The following ULK4 variants were observed in gnomAD, a reference collection of about 807,000 sequenced individuals.
The protein encoded by ULK4 is inactive serine/threonine-protein kinase ULK4.
In ULK4, 133 loss-of-function variants were observed where a neutral mutation model predicts 160.6. The observed-to-expected ratio is 0.83, with a 90% CI of 0.72 to 0.96. The LOEUF (loss-of-function observed/expected upper bound fraction) is 0.96. Among genes scored for constraint, ULK4 ranks in the 40% least tolerant of loss-of-function variants. The pLI is 0.00. For missense variants in ULK4, 1,580 were observed against 1,499.5 expected (o/e 1.05, Z -0.89); for synonymous variants, 534 against 539.8 (o/e 0.99, Z 0.15).
chr3:41,851,351 T>C, intron 17 of ULK4, among the ~76,000 whole-genome samples: 1 of 152,190 alleles, frequency 6.6e-6, no homozygotes. Context: ...GTTTTTGTCT[T>C]TGGTTCTGTT....
intron 29 of ULK4, among the ~76,000 whole-genome samples, chr3:41,679,716 T>C (rs563062630): frequency 1.3e-5 from 2 of 152,296 alleles, no homozygotes; most frequent in East Asian, 1.9e-4. Context: ...TATACAGAAA[T>C]GTGGTTTCAG....
intron 19 of ULK4, among the ~76,000 whole-genome samples, chr3:41,812,667 A>G (rs1292181278): frequency 2.0e-5 from 3 of 152,054 alleles, no homozygotes; most frequent in Non-Finnish European, 2.9e-5. Context: ...AAACAAAAAC[A>G]TGTGCCAATG....
At chr3:41,575,955 T>C (rs1403951721) in intron 31 of ULK4, among the ~76,000 whole-genome samples, 1 of 152,210 alleles carries the variant, frequency 6.6e-6, no homozygotes, top group Non-Finnish European at 1.5e-5. Context: ...AGGAGGACCC[T>C]GGCAGTGGAG....
intron 12 of ULK4, among the ~76,000 whole-genome samples, chr3:41,905,616 C>A (rs773461219): frequency 6.6e-6 from 1 of 151,892 alleles, no homozygotes; most frequent in Non-Finnish European, 1.5e-5. Flanking sequence ...AAAATTCTTA[C>A]AACTAAATAA....
chr3:41,584,120 A>G (rs1310582874), intron 31 of ULK4, among the ~76,000 whole-genome samples: 1 of 152,224 alleles, frequency 6.6e-6, no homozygotes, highest in East Asian at 1.9e-4. Context: ...CCTCTGATTT[A>G]TAAAGAATGG....
chr3:41,747,704 T>C (rs756286385), intron 22 of ULK4, among the ~76,000 whole-genome samples: 11 of 152,030 alleles, frequency 7.2e-5, no homozygotes, highest in Non-Finnish European at 1.2e-4. Context: ...CCAGCAGCAA[T>C]GGTGTCCTTA....
chr3:41,378,525 C>T (rs943269013), intron 35 of ULK4, among the ~76,000 whole-genome samples: 7 of 150,728 alleles, frequency 4.6e-5, no homozygotes, highest in South Asian at 2.1e-4. Context: ...AGCAAACTAT[C>T]GCAAGGACAA....
At chr3:41,353,704 ACTACTACTACT>A (rs1559540414) in intron 35 of ULK4, among the ~76,000 whole-genome samples, 2,499 of 49,780 alleles carry the variant, frequency 0.05, 73 homozygotes, top group African/African-American at 0.18. Flanking sequence ...TACAATTACT[ACTACTACTACT>A]ACTACTACTA....
At chr3:41,783,865 C>G (rs567606195) in intron 21 of ULK4, among the ~76,000 whole-genome samples, 1 of 152,158 alleles carries the variant, frequency 6.6e-6, no homozygotes, top group Non-Finnish European at 1.5e-5. Flanking sequence ...ACTTTTCCAG[C>G]CTTGAAAATG....
At chr3:41,599,588 G>A (rs1395789770) in intron 31 of ULK4, among the ~76,000 whole-genome samples, 7 of 131,368 alleles carry the variant, frequency 5.3e-5, no homozygotes, top group Admixed American at 3.3e-4. Context: ...TTTTTGAGAC[G>A]GAGTCTTGCC....
intron 34 of ULK4, among the ~76,000 whole-genome samples, chr3:41,411,881 G>A (rs538591627): frequency 3.3e-5 from 5 of 152,086 alleles, no homozygotes; most frequent in Non-Finnish European, 1.5e-5. Context: ...GCTTTCCCCT[G>A]AAATTACGAA....
intron 32 of ULK4, among the ~76,000 whole-genome samples, chr3:41,564,061 T>C (rs1031391821): frequency 6.6e-6 from 1 of 151,352 alleles, no homozygotes; most frequent in Non-Finnish European, 1.5e-5. Context: ...GATGTCCTTC[T>C]TGTTGATGTT....
intron 25 of ULK4, among the ~76,000 whole-genome samples, chr3:41,708,184 A>ATATATG (rs1241354988): frequency 1.3e-5 from 2 of 151,920 alleles, no homozygotes; most frequent in East Asian, 1.9e-4. Context: ...ATACATATAT[A>ATATATG]TATATATTTC....
chr3:41,467,296 G>A (rs2083858979), intron 32 of ULK4, among the ~76,000 whole-genome samples: 1 of 152,162 alleles, frequency 6.6e-6, no homozygotes, highest in Non-Finnish European at 1.5e-5. Context: ...GGGAGGCCGA[G>A]GTGGGCAGAT....
At chr3:41,248,837 A>G (rs1007146128) in intron 36 of ULK4, among the ~76,000 whole-genome samples, 22 of 152,214 alleles carry the variant, frequency 1.4e-4, no homozygotes, top group Admixed American at 1.3e-4. Flanking sequence ...TACAGCATGT[A>G]ACATGCTCCT....
intron 34 of ULK4, among the ~76,000 whole-genome samples, chr3:41,425,274 A>C (rs981135177): frequency 6.6e-6 from 1 of 152,120 alleles, no homozygotes; most frequent in Non-Finnish European, 1.5e-5. Context: ...AACAAAAAAA[A>C]CCTCTGAGAA....
chr3:41,551,634 C>G, intron 32 of ULK4, among the ~76,000 whole-genome samples: 1 of 151,854 alleles, frequency 6.6e-6, no homozygotes, highest in East Asian at 1.9e-4. Context: ...AATAATAAAT[C>G]TTCCAGCAAA....
At chr3:41,412,800 A>C (rs1320019168) in intron 34 of ULK4, among the ~76,000 whole-genome samples, 1 of 151,890 alleles carries the variant, frequency 6.6e-6, no homozygotes, top group Non-Finnish European at 1.5e-5. Context: ...GCCTCAAGTA[A>C]TCCACCTGTC....
At chr3:41,256,647 T>C (rs112481775) in intron 35 of ULK4, among the ~76,000 whole-genome samples, 2 of 152,294 alleles carry the variant, frequency 1.3e-5, no homozygotes, top group African/African-American at 4.8e-5. Flanking sequence ...GAAGAAAATA[T>C]GGAAGAAATT....
Sources: allele counts gnomAD v4.1 joint callset (sites outside exome capture counted in the v4.1 genomes callset), GRCh38; gene constraint gnomAD v4.1.1; transcripts MANE v1.5; gene names NCBI Gene and HGNC (gene_info 2026-07-23, HGNC 2026-07-21).